Variants in INPP4A observed in about 807,000 individuals in gnomAD.
INPP4A encodes inositol polyphosphate-4-phosphatase type I A, also known as inositol polyphosphate-4-phosphatase, type I, 107kD.
Under a neutral mutation model 119.8 loss-of-function variants are expected in INPP4A, and 33 were observed. That is an observed-to-expected ratio of 0.28 (90% CI 0.21 to 0.37). The LOEUF (loss-of-function observed/expected upper bound fraction) is 0.37. Among genes scored for constraint, INPP4A ranks in the 10% least tolerant of loss-of-function variants. INPP4A has a pLI of 1.00. For synonymous variants in INPP4A, 496 were observed against 500.7 expected (o/e 0.99, Z 0.12); for missense variants, 956 against 1,289.9 (o/e 0.74, Z 3.97).
chr2:98,564,527 C>A, intron 18 of INPP4A, 113 bp from the exon 19 acceptor site: 1 of 1,320,322 alleles, frequency 7.6e-7, no homozygotes, highest in Non-Finnish European at 1.1e-6. Flanking sequence ...CCACTGAAGC[C>A]CCTTTGAGCA....
chr2:98,553,130 G>A (rs1169924019), intron 14 of INPP4A, among the ~76,000 whole-genome samples, 161 bp downstream of exon 14: 1 of 152,234 alleles, frequency 6.6e-6, no homozygotes, highest in Non-Finnish European at 1.5e-5. Context: ...GCCCAGGGAG[G>A]TTTTGTGATT....
chr2:98,463,908 G>A (rs1674161502), intron 1 of INPP4A, among the ~76,000 whole-genome samples: 1 of 152,196 alleles, frequency 6.6e-6, no homozygotes, highest in Non-Finnish European at 1.5e-5. Flanking sequence ...CACAGCCCTT[G>A]TCTCCTGCCT....
At chr2:98,460,839 C>T (rs1194027212) in intron 1 of INPP4A, among the ~76,000 whole-genome samples, 1 of 152,164 alleles carries the variant, frequency 6.6e-6, no homozygotes, top group Non-Finnish European at 1.5e-5. Context: ...AGAAATGAAA[C>T]CCAGCATTGG....
chr2:98,485,141 G>A (rs528849975), intron 1 of INPP4A, among the ~76,000 whole-genome samples: 1 of 152,330 alleles, frequency 6.6e-6, no homozygotes, highest in South Asian at 2.1e-4. Context: ...CTCAGCTTTT[G>A]TGGTAGTGGA....
chr2:98,488,713 C>T (rs905575738), intron 1 of INPP4A, among the ~76,000 whole-genome samples: 1 of 152,090 alleles, frequency 6.6e-6, no homozygotes, highest in Non-Finnish European at 1.5e-5. Context: ...TTTGGACACA[C>T]GAGAAGCTAT....
chr2:98,590,956 CTA>C lies in INPP4A; in HGVS notation c.*3350_*3351del, dbSNP rs750256515. 9 of 231,108 alleles carry C rather than the reference CTA, an allele frequency of 3.9e-5. No individual in the cohort carries two copies. Among genetic ancestry groups the C allele is most frequent in the South Asian group, 3.6e-4 (2 of 5,494 alleles). The allele number at this position is 231,108 out of a possible 1,614,324, so 14.3% of individuals were successfully genotyped here. On this transcript the variant is annotated 3_prime_UTR_variant, in exon 25 of 25. Coordinates refer to ENST00000409851, the MANE Select transcript of INPP4A (RefSeq NM_001134225.2). ...CATCTTTTATACCTTTATGATATTTCTATGTTTGTGACTTCATTGGAATGTTG... is the reference window on the plus strand; with the variant it reads ...CATCTTTTATACCTTTATGATATTTCTGTTTGTGACTTCATTGGAATGTTG...
intron 1 of INPP4A, among the ~76,000 whole-genome samples, chr2:98,458,977 G>C (rs1044698954): frequency 6.6e-6 from 1 of 152,208 alleles, no homozygotes; most frequent in African/African-American, 2.4e-5. Context: ...GCCACCACAC[G>C]CCCAAAGGCA....
chr2:98,545,515 T>C (rs1692315676), intron 11 of INPP4A, among the ~76,000 whole-genome samples: 1 of 152,160 alleles, frequency 6.6e-6, no homozygotes, highest in Non-Finnish European at 1.5e-5. Flanking sequence ...AGTTGAGATG[T>C]ATTGCTCTAG....
intron 1 of INPP4A, among the ~76,000 whole-genome samples, chr2:98,509,414 C>CT (rs1474225229): frequency 6.6e-6 from 1 of 152,220 alleles, no homozygotes; most frequent in Non-Finnish European, 1.5e-5. Flanking sequence ...TTATGAGAAT[C>CT]TAACTAATGC....
intron 10 of INPP4A, among the ~76,000 whole-genome samples, chr2:98,541,969 A>G (rs1691548729): frequency 6.6e-6 from 1 of 152,220 alleles, no homozygotes; most frequent in Non-Finnish European, 1.5e-5. Flanking sequence ...CACTGTTCTC[A>G]GTGTGGGAGG....
intron 24 of INPP4A, among the ~76,000 whole-genome samples, chr2:98,582,760 C>T (rs1336490125): frequency 6.8e-6 from 1 of 147,410 alleles, no homozygotes; most frequent in Non-Finnish European, 1.5e-5. Context: ...AGACACAGAT[C>T]ATCTACTGCA....
At chr2:98,559,105 G>T (rs539807494) in intron 16 of INPP4A, among the ~76,000 whole-genome samples, 4 of 152,316 alleles carry the variant, frequency 2.6e-5, no homozygotes, top group African/African-American at 9.6e-5. Context: ...GCCAACGCGG[G>T]GCTCTGCCAC....
intron 21 of INPP4A, among the ~76,000 whole-genome samples, chr2:98,568,366 A>G (rs1559093900): frequency 1.3e-5 from 2 of 152,236 alleles, no homozygotes; most frequent in East Asian, 1.9e-4. Context: ...ACAGTGATAC[A>G]TGATTCCTGC....
chr2:98,572,379 G>T (rs1345338060), intron 22 of INPP4A, among the ~76,000 whole-genome samples: 1 of 152,234 alleles, frequency 6.6e-6, no homozygotes, highest in African/African-American at 2.4e-5. Flanking sequence ...GGAGGAGGCT[G>T]CACTTTCCTG....
chr2:98,495,364 T>A (rs1681725196), intron 1 of INPP4A, among the ~76,000 whole-genome samples: 1 of 152,220 alleles, frequency 6.6e-6, no homozygotes, highest in African/African-American at 2.4e-5. Context: ...TATACATTTG[T>A]AGCCAACTTA....
In INPP4A at chr2:98,546,673, A is replaced by C; in HGVS notation, c.1142A>C (p.Lys381Thr). 1.9e-6 allele frequency: 3 copies of C among 1,611,582 alleles called. No individual in the cohort carries two copies. The highest frequency in any genetic ancestry group is 2.5e-6 in the Non-Finnish European group (3 of 1,177,700). The change falls in exon 13 of 25, where the codon AAA becomes ACA. Residue 381 changes from lysine (K) to threonine (T), a missense_variant. By Grantham distance (78) the Lys-to-Thr change is moderately conservative. Coordinates refer to ENST00000409851, the MANE Select transcript of INPP4A (RefSeq NM_001134225.2). This position sits in a 1 kb window ranked among gnomAD's most constrained non-coding sequence, Gnocchi z 4.2. Reference protein sequence around the residue: ...KSGGLRKKLHKFEETKKHTSS... With the variant: ...KSGGLRKKLHTFEETKKHTSS... ...GGAGGTCTCCGCAAAAAGCTGCACA[A>C]ATTTGAAGAGACCAAGAAACAGTAA...
intron 21 of INPP4A, among the ~76,000 whole-genome samples, chr2:98,567,577 A>G (rs539491935): frequency 3.1e-4 from 47 of 152,316 alleles, no homozygotes; most frequent in African/African-American, 1.1e-3. Context: ...TTGCAGGAGC[A>G]GTTTCTAGAG....
chr2:98,582,148 C>A (rs1699396626), intron 24 of INPP4A, among the ~76,000 whole-genome samples: 1 of 152,230 alleles, frequency 6.6e-6, no homozygotes, highest in South Asian at 2.1e-4. Flanking sequence ...ATATTTGATA[C>A]TATTCTTTAA....
At chr2:98,503,908 G>A (rs1229522136) in intron 1 of INPP4A, among the ~76,000 whole-genome samples, 1 of 152,234 alleles carries the variant, frequency 6.6e-6, no homozygotes, top group Admixed American at 6.5e-5. Flanking sequence ...TGAGCATGAA[G>A]GTGCTGCGTG....
Sources: allele counts gnomAD v4.1 joint callset (sites outside exome capture counted in the v4.1 genomes callset), GRCh38; gene constraint gnomAD v4.1.1; non-coding constraint Gnocchi (gnomAD v3.1); transcripts MANE v1.5; gene names NCBI Gene and HGNC (gene_info 2026-07-23, HGNC 2026-07-21).